The following TMPO variants were observed in gnomAD, a reference collection of about 807,000 sequenced individuals.
TMPO encodes the protein LEM domain containing 4.
In TMPO, 22 loss-of-function variants were observed where a neutral mutation model predicts 45.4. The observed-to-expected ratio is 0.48, with a 90% CI of 0.35 to 0.69. The LOEUF (loss-of-function observed/expected upper bound fraction) is 0.69. Among genes scored for constraint, TMPO ranks in the 30% least tolerant of loss-of-function variants. TMPO has a pLI of 0.01. For synonymous variants in TMPO, 241 were observed against 204.1 expected (o/e 1.18, Z -1.54); for missense variants, 512 against 548.8 (o/e 0.93, Z 0.67).
intron 1 of TMPO, among the ~76,000 whole-genome samples, chr12:98,519,575 T>G (rs749155373): frequency 1.2e-4 from 19 of 152,208 alleles, no homozygotes; most frequent in Non-Finnish European, 2.6e-4. Context: ...ATTTAATTAT[T>G]TCATCCATAT....
At chr12:98,525,334 A>C (rs995748832) in intron 1 of TMPO, among the ~76,000 whole-genome samples, 6 of 152,226 alleles carry the variant, frequency 3.9e-5, no homozygotes, top group African/African-American at 1.4e-4. Context: ...GTAAGTTGAC[A>C]TAATTGTTCT....
intron 7 of TMPO, among the ~76,000 whole-genome samples, chr12:98,545,401 C>CT (rs891413675): frequency 6.6e-5 from 10 of 152,048 alleles, no homozygotes; most frequent in African/African-American, 2.4e-4. Context: ...GGAGGCTACA[C>CT]TTTCTTTTGT....
At chr12:98,521,044 C>T (rs980664094) in intron 1 of TMPO, among the ~76,000 whole-genome samples, 3 of 149,870 alleles carry the variant, frequency 2.0e-5, no homozygotes, top group Non-Finnish European at 4.4e-5. Flanking sequence ...GTGGATTTGG[C>T]CAAGATTAAC....
At chr12:98,541,117 T>C (rs1348985696) in intron 4 of TMPO, among the ~76,000 whole-genome samples, 1 of 152,218 alleles carries the variant, frequency 6.6e-6, no homozygotes, top group Admixed American at 6.5e-5. Context: ...TTTTAATTCC[T>C]TCCCCCATTT....
intron 4 of TMPO, among the ~76,000 whole-genome samples, chr12:98,540,309 A>C (rs1338807766): frequency 3.9e-5 from 6 of 152,222 alleles, no homozygotes; most frequent in Non-Finnish European, 7.3e-5. Flanking sequence ...TACAGTAGCC[A>C]CTAGCTATTG....
chr12:98,541,774 T>C (rs1048179217), intron 4 of TMPO, among the ~76,000 whole-genome samples: 1 of 152,196 alleles, frequency 6.6e-6, no homozygotes, highest in African/African-American at 2.4e-5. Context: ...GCTTCTGTCC[T>C]TTTCCCTTCC....
Position 98,515,624 on chromosome 12 carries a change from G to C in TMPO, c.-244G>C, listed in dbSNP as rs1044926726. The C allele has an allele frequency of 7.3e-6, 5 of 684,974 alleles. No homozygotes were observed. Among genetic ancestry groups the C allele is most frequent in the African/African-American group, 5.4e-5 (3 of 55,428 alleles). The allele number at this position is 684,974 out of a possible 1,614,324, so 42.4% of individuals were successfully genotyped here. ...TGCTCGCCTCCTGCCTGTAGTGTGT[G>C]GGCTGGGGTTGGTGCGAGCTTCCAG... is the stretch of plus-strand genomic sequence containing the variant. On this transcript the variant is annotated 5_prime_UTR_variant, in exon 1 of 9. Transcript: ENST00000556029.
rs754528925 is a variant in TMPO at position 98,531,829 on chromosome 12, A to G, written c.556A>G (p.Asn186Asp). The G allele has an allele frequency of 2.5e-6, 4 of 1,611,098 alleles. No individual in the cohort carries two copies. Among genetic ancestry groups the G allele is most frequent in the Non-Finnish European group, 3.4e-6 (4 of 1,178,700 alleles). Residue 186 changes from asparagine (N) to aspartate (D), a missense_variant, in exon 3 of 9, where the codon AAT (asparagine) becomes GAT (aspartate). By Grantham distance (23) the Asn-to-Asp change is conservative. Transcript: ENST00000556029. ...GSNDSDRYSD[N>D]EEDSKIELKL... is the part of the protein sequence containing the mutation. ...TAATGATTCTGACAGATACAGTGAC[A>G]ATGAAGAAGGTAAAATTTTAAATGA...
At chr12:98,525,755 A>G (rs1257254145) in intron 1 of TMPO, among the ~76,000 whole-genome samples, 1 of 151,798 alleles carries the variant, frequency 6.6e-6, no homozygotes, top group East Asian at 1.9e-4. Context: ...AAAAAAAAAA[A>G]AGATTTGATT....
At chr12:98,523,351 C>T (rs1283085618) in intron 1 of TMPO, among the ~76,000 whole-genome samples, 1 of 152,016 alleles carries the variant, frequency 6.6e-6, no homozygotes, top group East Asian at 1.9e-4. Context: ...GTCAGGAATT[C>T]GAGACCAGCC....
intron 1 of TMPO, among the ~76,000 whole-genome samples, chr12:98,517,438 T>C (rs1157004022): frequency 1.3e-5 from 2 of 152,228 alleles, no homozygotes; most frequent in Non-Finnish European, 1.5e-5. Context: ...TAAAATGCCT[T>C]GTAAGAGACA....
At chr12:98,530,025 T>A (rs1359378465) in intron 2 of TMPO, among the ~76,000 whole-genome samples, 1 of 152,216 alleles carries the variant, frequency 6.6e-6, no homozygotes, top group Non-Finnish European at 1.5e-5. Context: ...ATAACACTTT[T>A]AAAAAATGTT....
At chr12:98,526,566 G>A (rs748819091) in intron 1 of TMPO, among the ~76,000 whole-genome samples, 16 of 152,068 alleles carry the variant, frequency 1.1e-4, no homozygotes, top group Non-Finnish European at 1.5e-4. Flanking sequence ...TCTGTGGTTG[G>A]TTGAATTCAC....
intron 7 of TMPO, among the ~76,000 whole-genome samples, 162 bp from the exon 8 acceptor site, chr12:98,546,196 GA>G (rs1878218086): frequency 6.6e-6 from 1 of 152,142 alleles, no homozygotes; most frequent in East Asian, 1.9e-4. Context: ...GAGAGCCTTG[GA>G]AGCATGTGGA....
Position 98,547,932 on chromosome 12 carries a change from T to C in TMPO, c.*74T>C. The stretch of plus-strand genomic sequence containing the variant: ...GTTGAAAAACATTTGTGTACACTTG[T>C]TGACTCCAAGAACTAAAAATAATGT... On this transcript the variant is annotated 3_prime_UTR_variant, in exon 9 of 9. Coordinates refer to ENST00000556029, the MANE Select transcript of TMPO (RefSeq NM_001032283.3). 2.0e-6 allele frequency: 3 copies of C among 1,519,138 alleles called. No homozygotes were observed. The highest frequency in any genetic ancestry group is 1.2e-5 in the South Asian group (1 of 84,478). The allele number at this position is 1,519,138 out of a possible 1,614,324, so 94.1% of individuals were successfully genotyped here.
At chr12:98,533,793 G>C (rs1207700822) in intron 3 of TMPO, 1 of 1,614,112 alleles carries the variant, frequency 6.2e-7, no homozygotes, top group African/African-American at 1.3e-5. Context: ...TTGACAGGCA[G>C]CTGCCTTCAC....
In TMPO at chr12:98,538,954, A is replaced by G. The variant is rs372680524; in HGVS notation, c.663+1382A>G. On this transcript the variant is annotated intron_variant, in intron 4 of 8. Transcript: ENST00000556029. ...GGTGGCTCACGCCTGTAATCCCAGC[A>G]CTTTGGGAGGCCGAGGCGGGCGGAT... is the stretch of plus-strand genomic sequence containing the variant. Among the ~76,000 whole-genome samples, 7 of 152,016 alleles carry G rather than the reference A, an allele frequency of 4.6e-5. No individual in the cohort carries two copies. The East Asian group carries it at 1.4e-3, about 30-fold the overall frequency.
At chr12:98,538,304 A>G (rs1877695296) in intron 4 of TMPO, among the ~76,000 whole-genome samples, 1 of 152,170 alleles carries the variant, frequency 6.6e-6, no homozygotes. Flanking sequence ...TGCTATGTCT[A>G]GCTGGATGAT....
At chr12:98,543,015 TATA>T (rs374546485) in intron 4 of TMPO, among the ~76,000 whole-genome samples, 109 of 152,314 alleles carry the variant, frequency 7.2e-4, no homozygotes, top group African/African-American at 2.5e-3. Context: ...TTAAAACTCT[TATA>T]ATATCAATTC....
Sources: allele counts gnomAD v4.1 joint callset (sites outside exome capture counted in the v4.1 genomes callset), GRCh38; gene constraint gnomAD v4.1.1; transcripts MANE v1.5; gene names NCBI Gene and HGNC (gene_info 2026-07-23, HGNC 2026-07-21).